The following ZBTB38 variants were observed in gnomAD, a reference collection of about 807,000 sequenced individuals.
The protein encoded by ZBTB38 is zinc finger and BTB domain containing 38, also known as zinc finger and BTB domain-containing protein 38.
A neutral mutation model predicts 76.8 loss-of-function variants in ZBTB38; 20 were observed. The observed-to-expected ratio is 0.26, with a 90% CI of 0.18 to 0.38. The LOEUF (loss-of-function observed/expected upper bound fraction) is 0.38. Among genes scored for constraint, ZBTB38 ranks in the 10% least tolerant of loss-of-function variants. The pLI, the probability that ZBTB38 is intolerant of heterozygous loss-of-function variation, is 1.00. For missense variants in ZBTB38, 1,082 were observed against 1,482.3 expected, an observed-to-expected ratio of 0.73 and a Z score of 4.43; for synonymous variants, 504 against 544.2, an observed-to-expected ratio of 0.93 and a Z score of 1.03.
intron 1 of ZBTB38, among the ~76,000 whole-genome samples, chr3:141,360,171 A>G (rs1259797870): frequency 6.6e-6 from 1 of 152,202 alleles, no homozygotes; most frequent in South Asian, 2.1e-4. Flanking sequence ...CCCAAGTGTC[A>G]AAGAGGCATT....
intron 4 of ZBTB38, among the ~76,000 whole-genome samples, chr3:141,395,749 T>C (rs1254644506): frequency 2.0e-5 from 3 of 152,200 alleles, no homozygotes; most frequent in Admixed American, 6.5e-5. Context: ...ACCTCAGATG[T>C]CACAGGTTCG....
chr3:141,361,991 T>C (rs1943837636), intron 1 of ZBTB38, among the ~76,000 whole-genome samples: 1 of 152,262 alleles, frequency 6.6e-6, no homozygotes, highest in South Asian at 2.1e-4. Flanking sequence ...ATACATATTA[T>C]AAAATCGAAA....
At position 141,353,926 on chromosome 3, in the gene ZBTB38, A is replaced by G. The variant is rs536292043; in HGVS notation, c.-738-14695A>G. 1.3e-3 allele frequency among the ~76,000 whole-genome samples: 202 copies of G among 152,260 alleles called. 2 individuals are homozygous for G. Among genetic ancestry groups the G allele is most frequent in the African/African-American group, 4.6e-3 (193 of 41,528 alleles). ...TGTGGTCTTGCAGAACAACATGATC[A>G]TCAGCTAACTGCTGCAGGAATTCAT... On this transcript the variant is annotated intron_variant, in intron 1 of 7. Transcript: ENST00000509842.
chr3:141,348,391 AAAAG>A (rs1943425864), intron 1 of ZBTB38, among the ~76,000 whole-genome samples: 1 of 152,352 alleles, frequency 6.6e-6, no homozygotes, highest in Middle Eastern at 3.4e-3. Context: ...TAGTTACAGT[AAAAG>A]AAATGCTCAT....
intron 2 of ZBTB38, among the ~76,000 whole-genome samples, chr3:141,379,864 C>T (rs1945944240): frequency 6.6e-6 from 1 of 152,174 alleles, no homozygotes; most frequent in African/African-American, 2.4e-5. Flanking sequence ...TTTTGGCCAA[C>T]ATTGACTATT....
In ZBTB38 at chr3:141,443,449, G is replaced by C. The variant is rs749067202; in HGVS notation, c.1061G>C (p.Ser354Thr). ...TGCTGTTCCAAAGCCTTTGACAGCA[G>C]CACTCTGCTCAGTGCCCACATGCAG... ...CSCCSKAFDS[S>T]TLLSAHMQLH... Residue 354 changes from serine (S) to threonine (T), a missense_variant, in exon 6 of 6, where the codon AGC (serine) becomes ACC (threonine). Ser to Thr is a moderately conservative substitution (Grantham distance 58). Around this residue, in one of 8 missense-constraint regions of ZBTB38, gnomAD observed 324 missense variants for 359.1 expected, o/e 0.90. Transcript: ENST00000321464. The surrounding 1 kb of genome is among the most constrained non-coding windows in gnomAD (Gnocchi z 5.6). 6.2e-7 allele frequency: 1 copy of C among 1,614,222 alleles called. No homozygotes were observed. Among genetic ancestry groups the C allele is most frequent in the South Asian group, 1.1e-5 (1 of 91,086 alleles).
intron 5 of ZBTB38, among the ~76,000 whole-genome samples, chr3:141,423,967 G>A (rs2075918036): frequency 6.6e-6 from 1 of 152,132 alleles, no homozygotes; most frequent in Non-Finnish European, 1.5e-5. Flanking sequence ...AGGTAATGAG[G>A]CCCAGTGCAG....
chr3:141,390,971 A>T (rs571332095), intron 4 of ZBTB38, among the ~76,000 whole-genome samples: 2 of 152,300 alleles, frequency 1.3e-5, no homozygotes, highest in South Asian at 4.1e-4. Context: ...CCTGGGCAAC[A>T]TAGCAAGACC....
intron 1 of ZBTB38, among the ~76,000 whole-genome samples, chr3:141,347,143 G>A (rs998558553): frequency 5.3e-5 from 8 of 152,190 alleles, no homozygotes; most frequent in African/African-American, 1.9e-4. Context: ...TGCGTGGGCT[G>A]CATGGCATTT....
chr3:141,363,791 G>T (rs1559921142), upstream of ZBTB38, among the ~76,000 whole-genome samples: 1 of 152,134 alleles, frequency 6.6e-6, no homozygotes, highest in Admixed American at 6.6e-5. Flanking sequence ...AAGAATGAAT[G>T]TGGATCCCTA....
chr3:141,351,860 T>C (rs1235446299), intron 1 of ZBTB38, among the ~76,000 whole-genome samples: 2 of 152,086 alleles, frequency 1.3e-5, no homozygotes, highest in Admixed American at 1.3e-4. Context: ...GTTAAGCTTA[T>C]ATTTTTGAGG....
At chr3:141,341,382 T>C (rs576675944) in intron 1 of ZBTB38, among the ~76,000 whole-genome samples, 1 of 152,362 alleles carries the variant, frequency 6.6e-6, no homozygotes, top group South Asian at 2.1e-4. Context: ...CAAATGCTGT[T>C]CATACCAGCA....
intron 1 of ZBTB38, among the ~76,000 whole-genome samples, chr3:141,331,458 G>T (rs898637047): frequency 5.3e-5 from 8 of 152,230 alleles, no homozygotes; most frequent in African/African-American, 1.7e-4. Context: ...CCCCATGGAA[G>T]TCTGTAGCCT....
chr3:141,364,706 A>AAAAAAAC, upstream of ZBTB38, among the ~76,000 whole-genome samples: 1 of 131,258 alleles, frequency 7.6e-6, no homozygotes, highest in Non-Finnish European at 1.6e-5. Context: ...AAAAAAAAAA[A>AAAAAAAC]AAAAGCCCAA....
At chr3:141,414,372 TCTC>T (rs1449068029) in intron 5 of ZBTB38, among the ~76,000 whole-genome samples, 3 of 152,296 alleles carry the variant, frequency 2.0e-5, no homozygotes, top group Admixed American at 1.3e-4. Flanking sequence ...TGCCCAGTCT[TCTC>T]CTGCAGAGCG....
chr3:141,428,378 A>G (rs2076791997), intron 5 of ZBTB38, among the ~76,000 whole-genome samples: 1 of 152,212 alleles, frequency 6.6e-6, no homozygotes, highest in Non-Finnish European at 1.5e-5. Flanking sequence ...GAGGCAAGTC[A>G]CTTCTCCAGG....
intron 1 of ZBTB38, among the ~76,000 whole-genome samples, chr3:141,357,267 G>T (rs1943689613): frequency 6.6e-6 from 1 of 151,808 alleles, no homozygotes; most frequent in South Asian, 2.1e-4. Flanking sequence ...TGTGTTGTTT[G>T]TTCTATTAGC....
At chr3:141,378,531 G>C (rs925408750) in intron 2 of ZBTB38, among the ~76,000 whole-genome samples, 1 of 152,222 alleles carries the variant, frequency 6.6e-6, no homozygotes, top group Non-Finnish European at 1.5e-5. Flanking sequence ...ATAACTTCTT[G>C]TACGTCTTAT....
At chr3:141,438,722 A>G (rs899633660) in intron 5 of ZBTB38, among the ~76,000 whole-genome samples, 2 of 152,124 alleles carry the variant, frequency 1.3e-5, no homozygotes, top group African/African-American at 4.8e-5. Context: ...AAATTTCATT[A>G]TAACTCTCAA....
Sources: allele counts gnomAD v4.1 joint callset (sites outside exome capture counted in the v4.1 genomes callset), GRCh38; gene constraint gnomAD v4.1.1; regional missense constraint gnomAD v4.1.1; non-coding constraint Gnocchi (gnomAD v3.1); transcripts MANE v1.5; gene names NCBI Gene and HGNC (gene_info 2026-07-23, HGNC 2026-07-21).